ZNF461: variants seen among roughly 807,000 people sequenced by gnomAD.
ZNF461 encodes gonadotropin-inducible ovarian transcription factor-1.
ZNF461 carries 16 observed loss-of-function variants against 18.3 expected under a neutral mutation model. That is an observed-to-expected ratio of 0.88 (90% CI 0.59 to 1.33). The LOEUF (loss-of-function observed/expected upper bound fraction) is 1.33, where lower values mean the gene tolerates loss of function less well. Ranked by LOEUF, ZNF461 falls within the 40% of genes most tolerant of loss-of-function variation. The pLI, the probability that ZNF461 is intolerant of heterozygous loss-of-function variation, is 0.00. For synonymous variants in ZNF461, 179 were observed against 216.9 expected, an observed-to-expected ratio of 0.83 and a Z score of 1.54; for missense variants, 595 against 669.9, an observed-to-expected ratio of 0.89 and a Z score of 1.23.
chr19:36,649,320 A>G (rs1210648336), intron 4 of ZNF461, among the ~76,000 whole-genome samples: 2 of 127,294 alleles, frequency 1.6e-5, no homozygotes, highest in African/African-American at 3.2e-5. Flanking sequence ...GAAACAGTAT[A>G]TTTTATTATT....
intron 5 of ZNF461, among the ~76,000 whole-genome samples, chr19:36,642,527 T>C (rs558801417): frequency 2.0e-5 from 3 of 152,114 alleles, no homozygotes; most frequent in African/African-American, 4.8e-5. Flanking sequence ...CAAAAGCATA[T>C]GGGGAAGTGC....
intron 4 of ZNF461, among the ~76,000 whole-genome samples, chr19:36,649,261 TA>T (rs2037582989): frequency 6.6e-6 from 1 of 152,226 alleles, no homozygotes; most frequent in Non-Finnish European, 1.5e-5. Context: ...ACAAAGACTT[TA>T]AAACATGCTT....
intron 1 of ZNF461, among the ~76,000 whole-genome samples, chr19:36,666,094 TG>T (rs2037923134): frequency 1.4e-5 from 2 of 142,460 alleles, no homozygotes; most frequent in Admixed American, 1.4e-4. Flanking sequence ...AATGTTTTTT[TG>T]TTTTTTTTTT....
chr19:36,637,863 A>G lies in ZNF461; in HGVS notation c.*790T>C, dbSNP rs1012476702. The G allele has an allele frequency of 5.2e-5, 22 of 423,532 alleles. 1 individual carries two copies. The highest frequency in any genetic ancestry group is 9.4e-5 in the Non-Finnish European group (20 of 213,134). 26.2% of individuals were successfully genotyped at this position (423,532 alleles called of 1,614,324 possible). On this transcript the variant is annotated 3_prime_UTR_variant, in exon 6 of 6. Coordinates refer to ENST00000588268, the MANE Select transcript of ZNF461 (RefSeq NM_153257.5). ...ATCTGTGGAAAGTGAGTGGCTACAGAACTGGATGTTAGGGGAGAATTAATT... is the reference window on the plus strand; with the variant it reads ...ATCTGTGGAAAGTGAGTGGCTACAGGACTGGATGTTAGGGGAGAATTAATT...
chr19:36,658,181 A>C (rs1415038011), intron 3 of ZNF461, 118 bp downstream of exon 3: 6 of 1,046,594 alleles, frequency 5.7e-6, no homozygotes, highest in African/African-American at 4.9e-5. Context: ...AAATTCATCC[A>C]GTTATTTGAA....
chr19:36,665,142 T>G (rs911333635), intron 1 of ZNF461, among the ~76,000 whole-genome samples: 1 of 151,840 alleles, frequency 6.6e-6, no homozygotes, highest in African/African-American at 2.4e-5. Flanking sequence ...GAAAAGGTAA[T>G]GAACATTATG....
intron 4 of ZNF461, among the ~76,000 whole-genome samples, chr19:36,655,079 C>T (rs1312260912): frequency 2.0e-5 from 3 of 152,204 alleles, no homozygotes; most frequent in African/African-American, 7.2e-5. Flanking sequence ...GCCTCAAACT[C>T]CTGGGCTCAA....
At chr19:36,649,446 T>A (rs2037587786) in intron 4 of ZNF461, among the ~76,000 whole-genome samples, 1 of 152,166 alleles carries the variant, frequency 6.6e-6, no homozygotes, top group Admixed American at 6.6e-5. Flanking sequence ...TTCTCCTGCC[T>A]CAGCTTCCTG....
Position 36,638,588 on chromosome 19 carries a change from A to G in ZNF461, c.*65T>C, listed in dbSNP as rs1165252125. 6 of 1,212,898 alleles carry G rather than the reference A, an allele frequency of 4.9e-6. No homozygotes were observed. The highest frequency in any genetic ancestry group is 4.5e-6 in the Non-Finnish European group (4 of 885,846). The allele number at this position is 1,212,898 out of a possible 1,614,324, so 75.1% of individuals were successfully genotyped here. The stretch of plus-strand genomic sequence containing the variant: ...ATTTAAATAAATAAATACTAATGAA[A>G]CTGGTGGCTTACCAACTTTTTCCTT... On this transcript the variant is annotated 3_prime_UTR_variant, in exon 6 of 6. Transcript: ENST00000588268.
chr19:36,639,527 T>C lies in ZNF461; in HGVS notation c.818A>G (p.Tyr273Cys). 1 of 1,613,812 alleles carries C rather than the reference T, an allele frequency of 6.2e-7. No homozygotes were observed. The highest frequency in any genetic ancestry group is 8.5e-7 in the Non-Finnish European group (1 of 1,179,766). The part of the protein sequence containing the change: ...HLRIHNGEKR[Y>C]ECNECGKAFN... Reference sequence around the variant, plus strand: ...GGCCTTCCCACATTCGTTACATTCATAGCGTTTTTCACCATTATGAATTCT... The same window carrying C: ...GGCCTTCCCACATTCGTTACATTCACAGCGTTTTTCACCATTATGAATTCT... Residue 273 changes from tyrosine (Y) to cysteine (C), a missense_variant, in exon 6 of 6, where the codon TAT becomes TGT. By Grantham distance (194) the Tyr-to-Cys change is radical (BLOSUM62 -2). Transcript: ENST00000588268.
chr19:36,665,852 A>G (rs1213465445), intron 1 of ZNF461, among the ~76,000 whole-genome samples: 3 of 152,052 alleles, frequency 2.0e-5, no homozygotes, highest in Non-Finnish European at 4.4e-5. Context: ...CGGGGTAGCA[A>G]TGTGATTTTC....
Position 36,638,804 on chromosome 19 carries a change from T to C in ZNF461, c.1541A>G (p.His514Arg), listed in dbSNP as rs1469598816. ...KAFSYHSSFSHHQRIHSGKKP... is the reference protein window; with the variant it reads ...KAFSYHSSFSRHQRIHSGKKP... Reference sequence around the variant, plus strand: ...CTTTCCAGAATGAATTCTCTGATGGTGTGAGAAGCTTGAATGATAGCTAAA... The same window carrying C: ...CTTTCCAGAATGAATTCTCTGATGGCGTGAGAAGCTTGAATGATAGCTAAA... Residue 514 changes from histidine to arginine, a missense_variant, in exon 6 of 6, where the codon CAC (histidine) becomes CGC (arginine). Transcript: ENST00000588268. The C allele has an allele frequency of 6.2e-7, 1 of 1,614,040 alleles. No individual in the cohort carries two copies. The highest frequency in any genetic ancestry group is 1.3e-5 in the African/African-American group (1 of 74,942).
Position 36,639,795 on chromosome 19 carries a change from C to A in ZNF461, c.550G>T (p.Glu184Ter), listed in dbSNP as rs2145361749. ...GAGATTTTCTCTCTATCATAAAATT[C>A]TTGAGTGAGTAAAGTATGTTGGCTA... ...IFSQHTLLTQ[E>*]FYDREKISEC... is the part of the protein sequence containing the mutation. Residue 184 changes from glutamate (E) to a stop codon, truncating the protein, a stop_gained, in exon 6 of 6, where the codon GAA becomes TAA. Coordinates refer to ENST00000588268, the MANE Select transcript of ZNF461 (RefSeq NM_153257.5). LOFTEE classifies it low-confidence loss of function (END_TRUNC). 1 of 1,613,774 alleles carries A rather than the reference C, an allele frequency of 6.2e-7. No individual in the cohort carries two copies. Among genetic ancestry groups the A allele is most frequent in the Middle Eastern group, 1.7e-4 (1 of 6,060 alleles).
rs1468293746 is a variant in ZNF461 at position 36,637,798 on chromosome 19, A to G, written c.*855T>C. 1 of 428,590 alleles carries G rather than the reference A, an allele frequency of 2.3e-6. No individual in the cohort carries two copies. Among genetic ancestry groups the G allele is most frequent in the Non-Finnish European group, 4.6e-6 (1 of 216,096 alleles). The allele number at this position is 428,590 out of a possible 1,614,324, so 26.5% of individuals were successfully genotyped here. Reference sequence around the variant, plus strand: ...AGAATTTATGAAATTTACATGAAATATTCCCGTTAGAATAAAAGGAAACTG... The same window carrying G: ...AGAATTTATGAAATTTACATGAAATGTTCCCGTTAGAATAAAAGGAAACTG... On this transcript the variant is annotated 3_prime_UTR_variant, in exon 6 of 6. Transcript: ENST00000588268.
At chr19:36,644,599 GT>G (rs2037490239) in intron 4 of ZNF461, among the ~76,000 whole-genome samples, 1 of 145,616 alleles carries the variant, frequency 6.9e-6, no homozygotes, top group Non-Finnish European at 1.5e-5. Flanking sequence ...GTTTTGTTTT[GT>G]TTTTGTTTTT....
Position 36,638,944 on chromosome 19 carries a change from T to G in ZNF461, c.1401A>C (p.Lys467Asn), listed in dbSNP as rs1029374771. The change falls in exon 6 of 6, where the codon AAA (lysine) becomes AAC (asparagine). Residue 467 changes from lysine to asparagine, a missense_variant. Physicochemically the swap from Lys to Asn is moderately conservative, Grantham distance 94. Coordinates refer to ENST00000588268, the MANE Select transcript of ZNF461 (RefSeq NM_153257.5). Reference protein sequence around the residue: ...KRHQRIHTGEKPHECMICGKA... With the variant: ...KRHQRIHTGENPHECMICGKA... ...TACCACATATCATGCATTCATGAGG[T>G]TTCTCACCAGTATGAATTCTCTGAT... The G allele has an allele frequency of 4.1e-5, 66 of 1,613,960 alleles. No individual in the cohort carries two copies. Among genetic ancestry groups the G allele is most frequent in the Non-Finnish European group, 5.6e-5 (66 of 1,180,004 alleles).
chr19:36,666,135 C>T (rs1428323484), intron 1 of ZNF461, among the ~76,000 whole-genome samples: 1 of 149,138 alleles, frequency 6.7e-6, no homozygotes. Flanking sequence ...ACTCTTGTTG[C>T]CCAGGTTGGA....
chr19:36,663,651 G>A (rs926523335), intron 2 of ZNF461, among the ~76,000 whole-genome samples: 2 of 150,764 alleles, frequency 1.3e-5, no homozygotes, highest in Non-Finnish European at 2.9e-5. Flanking sequence ...TCAGCCTCTC[G>A]AGTAGCTAGG....
At chr19:36,643,632 C>T (rs972369224) in intron 5 of ZNF461, 162 bp downstream of exon 5, 23 of 556,644 alleles carry the variant, frequency 4.1e-5, no homozygotes, top group African/African-American at 2.4e-4. Context: ...AGTGTGATAA[C>T]GTCACATTCT....
Sources: gnomAD v4.1 joint callset for allele counts (sites outside exome capture counted in the v4.1 genomes callset) on GRCh38, gnomAD v4.1.1 for gene constraint, MANE v1.5 for transcripts, NCBI Gene and HGNC (gene_info 2026-07-23, HGNC 2026-07-21) for gene names.